Variants in ADGRB3 observed in about 807,000 individuals in gnomAD.
The protein encoded by ADGRB3 is brain-specific angiogenesis inhibitor 3.
In ADGRB3, 37 loss-of-function variants were observed where a neutral mutation model predicts 193.4. The ratio of observed to expected loss-of-function variants is 0.19; its 90% CI spans 0.15 to 0.25. The LOEUF (loss-of-function observed/expected upper bound fraction) is 0.25. Among genes scored for constraint, ADGRB3 ranks in the 10% least tolerant of loss-of-function variants. ADGRB3 has a pLI of 1.00. For missense variants in ADGRB3, 1,637 were observed against 1,852.9 expected (o/e 0.88, Z 2.14); for synonymous variants, 690 against 644.2 (o/e 1.07, Z -1.08).
At chr6:68,644,181 G>A (rs976218643) in intron 3 of ADGRB3, among the ~76,000 whole-genome samples, 13 of 151,936 alleles carry the variant, frequency 8.6e-5, no homozygotes, top group African/African-American at 1.2e-4. Context: ...ATGACTTTGG[G>A]AAAGCATCTA....
intron 30 of ADGRB3, among the ~76,000 whole-genome samples, chr6:69,373,942 CT>C (rs1377570098): frequency 6.6e-6 from 1 of 152,000 alleles, no homozygotes; most frequent in Non-Finnish European, 1.5e-5. Flanking sequence ...AAAAACTGTT[CT>C]TTTTTCATCT....
At chr6:68,990,110 A>G (rs1769190920) in intron 10 of ADGRB3, among the ~76,000 whole-genome samples, 1 of 152,136 alleles carries the variant, frequency 6.6e-6, no homozygotes, top group South Asian at 2.1e-4. Flanking sequence ...AAACCCATTT[A>G]TTCTCAACTT....
At chr6:69,287,877 C>A (rs1345849361) in intron 20 of ADGRB3, among the ~76,000 whole-genome samples, 1 of 152,160 alleles carries the variant, frequency 6.6e-6, no homozygotes, top group Admixed American at 6.6e-5. Flanking sequence ...CCAGGAATCT[C>A]AATAGCAGTC....
chr6:69,160,673 A>C (rs1425941612), intron 17 of ADGRB3, among the ~76,000 whole-genome samples: 1 of 152,108 alleles, frequency 6.6e-6, no homozygotes, highest in Non-Finnish European at 1.5e-5. Flanking sequence ...CAAAGCAATA[A>C]TTTTTATCTG....
In ADGRB3 at chr6:68,675,945, T is replaced by G. The variant is rs546284550; in HGVS notation, c.757+36513T>G. On this transcript the variant is annotated intron_variant, in intron 3 of 31. Transcript: ENST00000370598. ...TGCTACTCTAATCTTTTTATTCTTG[T>G]ATTTTTCTAATTACATATATCACTA... 2.7e-4 allele frequency among the ~76,000 whole-genome samples: 41 copies of G among 152,364 alleles called. No homozygotes were observed. In the East Asian group the frequency reaches 6.4e-3, roughly 24 times the overall value.
chr6:69,188,873 G>C (rs1482823990), intron 17 of ADGRB3, among the ~76,000 whole-genome samples: 1 of 151,754 alleles, frequency 6.6e-6, no homozygotes, highest in Non-Finnish European at 1.5e-5. Flanking sequence ...TCTTTGGATG[G>C]CACAAATACT....
At chr6:69,242,875 C>T (rs1327633875) in intron 20 of ADGRB3, among the ~76,000 whole-genome samples, 1 of 151,824 alleles carries the variant, frequency 6.6e-6, no homozygotes, top group African/African-American at 2.4e-5. Flanking sequence ...TAAAGCATTT[C>T]CTTTACACCT....
intron 21 of ADGRB3, among the ~76,000 whole-genome samples, chr6:69,325,821 A>G (rs769613076): frequency 1.4e-4 from 22 of 152,224 alleles, no homozygotes; most frequent in Non-Finnish European, 3.2e-4. Context: ...ACACGTAAAT[A>G]TTATTCATTA....
At chr6:69,302,086 A>G (rs1208397037) in intron 20 of ADGRB3, among the ~76,000 whole-genome samples, 3 of 151,958 alleles carry the variant, frequency 2.0e-5, no homozygotes, top group Non-Finnish European at 2.9e-5. Flanking sequence ...GAGACCATGA[A>G]AAAACTCCCT....
chr6:68,892,572 C>T (rs1348860653), intron 3 of ADGRB3, among the ~76,000 whole-genome samples: 2 of 152,080 alleles, frequency 1.3e-5, no homozygotes, highest in Admixed American at 6.6e-5. Context: ...TCCTTGGCCT[C>T]CACCACTGGA....
chr6:69,298,892 A>G (rs1182145327), intron 20 of ADGRB3, among the ~76,000 whole-genome samples: 3 of 152,008 alleles, frequency 2.0e-5, no homozygotes. Flanking sequence ...TTTTGAATAT[A>G]CACCCAGCAG....
chr6:68,772,897 ATATATATATATATATATAT>A (rs1766662912), intron 3 of ADGRB3, among the ~76,000 whole-genome samples: 1 of 12,352 alleles, frequency 8.1e-5, no homozygotes, highest in Non-Finnish European at 1.3e-4. Flanking sequence ...AAAAAAAAAT[ATATATATATATATATATAT>A]ATATATATAT....
intron 3 of ADGRB3, among the ~76,000 whole-genome samples, chr6:68,907,413 A>C (rs1042537197): frequency 6.6e-6 from 1 of 152,026 alleles, no homozygotes; most frequent in Admixed American, 6.6e-5. Flanking sequence ...CTACTTCCAA[A>C]CCAGTGTGAA....
At chr6:69,076,288 G>A (rs1001090678) in intron 17 of ADGRB3, among the ~76,000 whole-genome samples, 2 of 152,104 alleles carry the variant, frequency 1.3e-5, no homozygotes, top group Non-Finnish European at 2.9e-5. Context: ...TGAATTCCAT[G>A]AGGAATTTTT....
intron 3 of ADGRB3, among the ~76,000 whole-genome samples, chr6:68,679,593 G>A (rs1300031976): frequency 6.6e-6 from 1 of 152,042 alleles, no homozygotes; most frequent in African/African-American, 2.4e-5. Context: ...GGTGGGCAAC[G>A]TGCCATCCAC....
chr6:68,978,698 T>C (rs35230563), intron 10 of ADGRB3, among the ~76,000 whole-genome samples: 28,697 of 151,244 alleles, frequency 0.19, 4,110 homozygotes, highest in Non-Finnish European at 0.27. Flanking sequence ...ATTTGTGATA[T>C]AGAACATTTG....
chr6:68,936,490 T>C, intron 4 of ADGRB3, 29 bp from the exon 5 acceptor site: 2 of 1,608,142 alleles, frequency 1.2e-6, no homozygotes, highest in Non-Finnish European at 1.7e-6. Context: ...AAGACAGTAT[T>C]TCATGTTTAT....
At chr6:69,101,716 T>C (rs981911029) in intron 17 of ADGRB3, among the ~76,000 whole-genome samples, 12 of 152,082 alleles carry the variant, frequency 7.9e-5, no homozygotes, top group African/African-American at 2.9e-4. Context: ...AGTGTGTGTG[T>C]GTGTATGACA....
intron 20 of ADGRB3, among the ~76,000 whole-genome samples, chr6:69,272,959 G>A (rs1767212767): frequency 6.6e-6 from 1 of 152,158 alleles, no homozygotes; most frequent in South Asian, 2.1e-4. Flanking sequence ...GTAGTGCAAT[G>A]GCGTGATCTC....
Sources: gnomAD v4.1 joint callset for allele counts (sites outside exome capture counted in the v4.1 genomes callset) on GRCh38, gnomAD v4.1.1 for gene constraint, MANE v1.5 for transcripts, NCBI Gene and HGNC (gene_info 2026-07-23, HGNC 2026-07-21) for gene names.